Variants in BGN observed in about 807,000 individuals in gnomAD.
BGN encodes bone/cartilage proteoglycan-I.
A neutral mutation model predicts 20.0 loss-of-function variants in BGN; 6 were observed. That is an observed-to-expected ratio of 0.30 (90% CI 0.16 to 0.59). The LOEUF is 0.59. BGN is among the 20% of genes least tolerant of loss of function. BGN has a pLI of 0.88. For missense variants in BGN, 292 were observed against 312.1 expected (o/e 0.94, Z 0.49); for synonymous variants, 146 against 134.6 (o/e 1.08, Z -0.59).
chrX:153,500,903 GTATA>G (rs1326158919), intron 1 of BGN, among the ~76,000 whole-genome samples: 5 of 111,663 alleles, frequency 4.5e-5, no homozygotes, highest in Non-Finnish European at 9.4e-5. Flanking sequence ...GTGCATCTGT[GTATA>G]TATGTGTGTA....
At chrX:153,501,220 G>A (rs2089759081) in intron 1 of BGN, among the ~76,000 whole-genome samples, 1 of 112,839 alleles carries the variant, frequency 8.9e-6, no homozygotes, top group Non-Finnish European at 1.9e-5. Context: ...GTGTACGTGT[G>A]TGTGTGTGCA....
intron 1 of BGN, among the ~76,000 whole-genome samples, chrX:153,499,822 G>A (rs1394012930): frequency 1.8e-5 from 2 of 113,089 alleles, no homozygotes; most frequent in Admixed American, 9.2e-5. Flanking sequence ...TGTCAGCGGG[G>A]GCACAAGCAC....
rs782391883 is a variant in BGN at position 153,509,028 on chromosome X, CCT to C, written c.*612_*613del. On this transcript the variant is annotated 3_prime_UTR_variant, in exon 8 of 8. Transcript: ENST00000331595. Reference sequence around the variant, plus strand: ...TTCTGTTCTCTCTTTCCCCGTCCTTCCTCTCTCTCTCTCTCTCTCTCTCTCTC... The same window carrying C: ...TTCTGTTCTCTCTTTCCCCGTCCTTCCTCTCTCTCTCTCTCTCTCTCTCTC... The C allele has an allele frequency of 0.059, 5,128 of 87,022 alleles. 293 individuals are homozygous for C. The highest frequency in any genetic ancestry group is 0.15 in the African/African-American group (3,264 of 21,857). 7.2% of individuals were successfully genotyped at this position (87,022 alleles called of 1,213,427 possible).
intron 1 of BGN, among the ~76,000 whole-genome samples, chrX:153,500,791 ATG>A (rs782690203): frequency 1.3e-3 from 141 of 107,680 alleles, no homozygotes; most frequent in African/African-American, 4.6e-3. Flanking sequence ...ATGTGTGTGC[ATG>A]TGTGTATGTG....
In BGN at chrX:153,504,875, T is replaced by G. The variant is rs1474087744; in HGVS notation, c.238+6T>G. 1.7e-6 allele frequency: 2 copies of G among 1,192,941 alleles called. No individual in the cohort carries two copies. The highest frequency in any genetic ancestry group is 2.3e-6 in the Non-Finnish European group (2 of 885,337). On this transcript the variant is annotated splice_donor_region_variant and intron_variant, in intron 2 of 7. Coordinates refer to ENST00000331595, the MANE Select transcript of BGN (RefSeq NM_001711.6). ...GGTTCAGTGCTCCGACCTGGGTTTG[T>G]CCCTGAGTGATGGGGAGCGGGGCAT...
chrX:153,502,129 C>T (rs1452004423), intron 1 of BGN, among the ~76,000 whole-genome samples: 4 of 112,719 alleles, frequency 3.5e-5, no homozygotes, highest in African/African-American at 1.3e-4. Context: ...TAGAGTCCTC[C>T]TCCAGGCCAA....
In BGN at chrX:153,504,760, C is replaced by T. The variant is rs782684408; in HGVS notation, c.129C>T (p.Gly43=). ...TGATGAACGATGAGGAAGCTTCGGG[C>T]GCTGACACCTCGGGCGTCCTGGACC... ...PFMMNDEEAS[G]ADTSGVLDPD... is the part of the protein sequence containing the mutation. Residue 43 remains glycine (G), a synonymous_variant, in exon 2 of 8, where the codon GGC becomes GGT. Transcript: ENST00000331595. The T allele has an allele frequency of 1.7e-6, 2 of 1,211,748 alleles. No homozygotes were observed. The highest frequency in any genetic ancestry group is 2.2e-6 in the Non-Finnish European group (2 of 895,514).
chrX:153,506,467 G>A lies in BGN; in HGVS notation c.566-62G>A, dbSNP rs1278217863. 5.7e-6 allele frequency: 6 copies of A among 1,049,146 alleles called. No individual in the cohort carries two copies. The African/African-American group carries it at 1.1e-4, about 20-fold the overall frequency. 86.5% of individuals were successfully genotyped at this position (1,049,146 alleles called of 1,213,427 possible). On this transcript the variant is annotated intron_variant, in intron 4 of 7. Coordinates refer to ENST00000331595, the MANE Select transcript of BGN (RefSeq NM_001711.6). ...GGGCCCACCACACTGGCCCGGAAGTGACAGGACCCAGGGCTGTGCAGGGAC... is the reference window on the plus strand; with the variant it reads ...GGGCCCACCACACTGGCCCGGAAGTAACAGGACCCAGGGCTGTGCAGGGAC...
chrX:153,502,012 G>C (rs1428433530), intron 1 of BGN, among the ~76,000 whole-genome samples: 1 of 112,633 alleles, frequency 8.9e-6, no homozygotes, highest in African/African-American at 3.2e-5. Flanking sequence ...GGCCTGCCCT[G>C]TGCCTGTGCC....
chrX:153,505,942 A>G lies in BGN; in HGVS notation c.431A>G (p.Tyr144Cys), dbSNP rs182240207. ...CCACTGCGGAAGCTGCAGAAGCTCT[A>G]CATCTCCAAGAACCACCTGGTGGAG... ...FSPLRKLQKLYISKNHLVEIP... is the reference protein window; with the variant it reads ...FSPLRKLQKLCISKNHLVEIP... The change falls in exon 4 of 8, where the codon TAC becomes TGC. Residue 144 changes from tyrosine (Y) to cysteine (C), a missense_variant. By Grantham distance (194) the Tyr-to-Cys change is radical. Coordinates refer to ENST00000331595, the MANE Select transcript of BGN (RefSeq NM_001711.6). 8.3e-7 allele frequency: 1 copy of G among 1,210,203 alleles called. No homozygotes were observed. Among genetic ancestry groups the G allele is most frequent in the Non-Finnish European group, 1.1e-6 (1 of 895,138 alleles).
rs1556992586 is a variant in BGN at position 153,504,614 on chromosome X, C to T, written c.-11-7C>T. On this transcript the variant is annotated splice_polypyrimidine_tract_variant and splice_region_variant and intron_variant, in intron 1 of 7. Transcript: ENST00000331595. ...GGTGCTGATGATCCCCTCGCCTCTT[C>T]CCCCAGGTCCATCCGCCATGTGGCC... The T allele has an allele frequency of 7.7e-6, 9 of 1,173,619 alleles. No homozygotes were observed. Among genetic ancestry groups the T allele is most frequent in the Non-Finnish European group, 1.0e-5 (9 of 866,683 alleles).
Position 153,505,231 on chromosome X carries a change from C to T in BGN, c.239-7C>T, listed in dbSNP as rs782068308. The T allele has an allele frequency of 2.5e-6, 3 of 1,188,544 alleles. No homozygotes were observed. The East Asian group carries it at 9.0e-5, about 36-fold the overall frequency. ...GTTCATGCTGGTGATGGGGGTGGGG[C>T]CCCTAGGTCTGAAGTCTGTGCCCAA... On this transcript the variant is annotated splice_region_variant and splice_polypyrimidine_tract_variant and intron_variant, in intron 2 of 7. Coordinates refer to ENST00000331595, the MANE Select transcript of BGN (RefSeq NM_001711.6).
At chrX:153,504,413 G>A (rs782396902) in intron 1 of BGN, among the ~76,000 whole-genome samples, 95 of 112,075 alleles carry the variant, frequency 8.5e-4, no homozygotes, top group African/African-American at 3.0e-3. Context: ...TGGAGTGGAG[G>A]GGGCACCCTC....
chrX:153,502,444 A>G (rs1166633278), intron 1 of BGN, among the ~76,000 whole-genome samples: 1 of 109,903 alleles, frequency 9.1e-6, no homozygotes, highest in African/African-American at 3.3e-5. Context: ...GTTCTCTCCC[A>G]CTGCTCCTCC....
chrX:153,508,001 C>CA (rs2089815654), intron 7 of BGN, among the ~76,000 whole-genome samples: 1 of 113,174 alleles, frequency 8.8e-6, no homozygotes. Context: ...GCCCCGCCCC[C>CA]ACATGTCCTC....
At chrX:153,502,792 G>A (rs1262285673) in intron 1 of BGN, among the ~76,000 whole-genome samples, 2 of 112,964 alleles carry the variant, frequency 1.8e-5, no homozygotes, top group African/African-American at 6.4e-5. Flanking sequence ...GCTGAGCTAA[G>A]CCTTGGGCTC....
chrX:153,504,375 AG>A (rs1453432134), intron 1 of BGN, among the ~76,000 whole-genome samples: 3 of 111,748 alleles, frequency 2.7e-5, no homozygotes, highest in Admixed American at 9.4e-5. Flanking sequence ...CGGGATGGGG[AG>A]GGGGGTAGTG....
chrX:153,497,744 T>C lies in BGN; in HGVS notation c.-12+2631T>C, dbSNP rs1407540413. ...CCACCTCCTCTGGAGGGGTGGGGCCTGTGCTTCATTCCTCCTTCCCCAGGT... is the reference window on the plus strand; with the variant it reads ...CCACCTCCTCTGGAGGGGTGGGGCCCGTGCTTCATTCCTCCTTCCCCAGGT... On this transcript the variant is annotated intron_variant, in intron 1 of 7. Coordinates refer to ENST00000331595, the MANE Select transcript of BGN (RefSeq NM_001711.6). Among the ~76,000 whole-genome samples the C allele has an allele frequency of 2.7e-5, 3 of 110,716 alleles. No homozygotes were observed. The Admixed American group carries it at 2.8e-4, about 10-fold the overall frequency.
At chrX:153,502,613 C>T (rs782058621) in intron 1 of BGN, among the ~76,000 whole-genome samples, 4 of 113,092 alleles carry the variant, frequency 3.5e-5, no homozygotes, top group Admixed American at 1.8e-4. Flanking sequence ...CAAGACCCTC[C>T]GGGCGGTTCC....
Sources: allele counts gnomAD v4.1 joint callset (sites outside exome capture counted in the v4.1 genomes callset), GRCh38; gene constraint gnomAD v4.1.1; transcripts MANE v1.5; gene names NCBI Gene and HGNC (gene_info 2026-07-23, HGNC 2026-07-21).